EXOC4: variants seen among roughly 807,000 people sequenced by gnomAD.
EXOC4 encodes SEC8-like 1.
EXOC4 carries 71 observed loss-of-function variants against 107.2 expected under a neutral mutation model. That is an observed-to-expected ratio of 0.66 (90% CI 0.55 to 0.81). The LOEUF (loss-of-function observed/expected upper bound fraction) is 0.81, where lower values mean the gene tolerates loss of function less well. Ranked by LOEUF, EXOC4 falls within the 30% of genes least tolerant of loss-of-function variation. The probability of loss-of-function intolerance (pLI) is 0.00; values close to 1 mark genes in which losing one functional copy is unlikely to be tolerated. For missense variants in EXOC4, 1,108 were observed against 1,189.6 expected (o/e 0.93, Z 1.01); for synonymous variants, 456 against 441.2 (o/e 1.03, Z -0.42).
At chr7:133,363,777 G>C (rs561607094) in intron 6 of EXOC4, among the ~76,000 whole-genome samples, 1 of 152,152 alleles carries the variant, frequency 6.6e-6, no homozygotes, top group African/African-American at 2.4e-5. Context: ...CCACTTCTCT[G>C]TTTGCTAGAG....
intron 7 of EXOC4, among the ~76,000 whole-genome samples, chr7:133,429,534 A>G (rs1366490200): frequency 6.6e-6 from 1 of 152,202 alleles, no homozygotes; most frequent in Non-Finnish European, 1.5e-5. Context: ...ACCACTGTCT[A>G]ATTCCAGAAC....
At chr7:133,546,840 CATG>C (rs1403928159) in intron 9 of EXOC4, among the ~76,000 whole-genome samples, 1 of 152,104 alleles carries the variant, frequency 6.6e-6, no homozygotes, top group African/African-American at 2.4e-5. Context: ...TCTAGACTGT[CATG>C]ATATTTTTAA....
chr7:134,063,265 A>G (rs1796109832), intron 17 of EXOC4, among the ~76,000 whole-genome samples: 1 of 152,192 alleles, frequency 6.6e-6, no homozygotes, highest in African/African-American at 2.4e-5. Flanking sequence ...CCTGCCTGAC[A>G]GAATCTTACC....
At chr7:133,612,325 C>T (rs544084052) in intron 9 of EXOC4, among the ~76,000 whole-genome samples, 2 of 152,264 alleles carry the variant, frequency 1.3e-5, no homozygotes, top group East Asian at 3.9e-4. Flanking sequence ...TATACATTTT[C>T]TGCTGACTAG....
At chr7:133,962,325 T>C (rs1311036867) in intron 14 of EXOC4, among the ~76,000 whole-genome samples, 4 of 152,240 alleles carry the variant, frequency 2.6e-5, no homozygotes, top group Non-Finnish European at 5.9e-5. Flanking sequence ...TTTAATTTCC[T>C]GAGAAGCTTT....
chr7:133,641,968 T>C (rs549322973), intron 10 of EXOC4, among the ~76,000 whole-genome samples: 1 of 152,306 alleles, frequency 6.6e-6, no homozygotes, highest in African/African-American at 2.4e-5. Context: ...GAAACCAACA[T>C]CCTTCTCTGA....
chr7:133,481,296 A>C (rs1477411593), intron 9 of EXOC4, among the ~76,000 whole-genome samples: 1 of 152,192 alleles, frequency 6.6e-6, no homozygotes, highest in Non-Finnish European at 1.5e-5. Context: ...GGTGGTATGG[A>C]TAAATTGCTA....
chr7:134,043,518 T>G (rs1420641434), intron 17 of EXOC4, among the ~76,000 whole-genome samples: 1 of 152,184 alleles, frequency 6.6e-6, no homozygotes, highest in Non-Finnish European at 1.5e-5. Context: ...TTAGAAATGT[T>G]TGTCAGTAAA....
chr7:133,997,595 G>A lies in EXOC4; in HGVS notation c.2310G>A (p.Met770Ile). The change falls in exon 15 of 18, where the codon ATG becomes ATA. Residue 770 changes from methionine to isoleucine, a missense_variant. Physicochemically the swap from Met to Ile is conservative, Grantham distance 10. Coordinates refer to ENST00000253861, the MANE Select transcript of EXOC4 (RefSeq NM_021807.4). ...LSELAKSFQD[M>I]ADRCLLVLHL... The stretch of plus-strand genomic sequence containing the variant: ...AACTTGCCAAATCGTTCCAGGATAT[G>A]GCTGACCGCTGCTTGCTTGTCTTAC... 1 of 1,613,590 alleles carries A rather than the reference G, an allele frequency of 6.2e-7. No homozygotes were observed. The highest frequency in any genetic ancestry group is 1.7e-5 in the Admixed American group (1 of 59,902).
At chr7:133,278,290 C>G (rs1253710841) in intron 2 of EXOC4, among the ~76,000 whole-genome samples, 2 of 152,192 alleles carry the variant, frequency 1.3e-5, no homozygotes, top group Non-Finnish European at 2.9e-5. Context: ...GTGAAGAAAA[C>G]ATAAACATTT....
At chr7:133,602,268 A>G (rs1801826190) in intron 9 of EXOC4, among the ~76,000 whole-genome samples, 5 of 152,216 alleles carry the variant, frequency 3.3e-5, no homozygotes, top group Non-Finnish European at 7.3e-5. Flanking sequence ...ATCTGCAGGT[A>G]GTTCTTGTAC....
At chr7:133,535,022 G>A (rs1800247225) in intron 9 of EXOC4, among the ~76,000 whole-genome samples, 1 of 152,186 alleles carries the variant, frequency 6.6e-6, no homozygotes. Flanking sequence ...ATTACTTGGA[G>A]ACGAGATGGG....
chr7:134,017,608 C>T (rs1276175386), intron 17 of EXOC4, among the ~76,000 whole-genome samples: 1 of 151,896 alleles, frequency 6.6e-6, no homozygotes, highest in Non-Finnish European at 1.5e-5. Flanking sequence ...TTTACATTTA[C>T]ATTAGGTCCC....
At chr7:133,656,184 G>T (rs141236394) in intron 10 of EXOC4, among the ~76,000 whole-genome samples, 4 of 152,248 alleles carry the variant, frequency 2.6e-5, no homozygotes, top group Non-Finnish European at 5.9e-5. Context: ...GAAGGACTTG[G>T]AGAAAGATCA....
At chr7:133,484,930 A>C (rs1056478321) in intron 9 of EXOC4, among the ~76,000 whole-genome samples, 17 of 151,642 alleles carry the variant, frequency 1.1e-4, no homozygotes, top group Non-Finnish European at 2.4e-4. Context: ...AAATACAAAA[A>C]TTAGCCTGGC....
At chr7:133,471,660 A>G (rs942386268) in intron 7 of EXOC4, among the ~76,000 whole-genome samples, 4 of 152,134 alleles carry the variant, frequency 2.6e-5, no homozygotes, top group Non-Finnish European at 5.9e-5. Context: ...TTCTACTTTG[A>G]AGACTTTTTA....
intron 7 of EXOC4, among the ~76,000 whole-genome samples, chr7:133,473,862 G>A (rs559541166): frequency 7.4e-5 from 11 of 148,562 alleles, no homozygotes; most frequent in African/African-American, 2.1e-4. Context: ...CACCATGCCC[G>A]GCTAATTTTT....
chr7:133,685,750 A>T (rs968174064), intron 10 of EXOC4, among the ~76,000 whole-genome samples: 4 of 152,288 alleles, frequency 2.6e-5, no homozygotes, highest in African/African-American at 9.6e-5. Context: ...AATTTCTATA[A>T]ATTTAAGGTG....
intron 10 of EXOC4, among the ~76,000 whole-genome samples, chr7:133,807,077 T>C (rs962794435): frequency 2.0e-5 from 3 of 152,122 alleles, no homozygotes; most frequent in Admixed American, 6.5e-5. Flanking sequence ...TCGGAAGATA[T>C]GGTGGGCCGA....
Sources: allele counts gnomAD v4.1 joint callset (sites outside exome capture counted in the v4.1 genomes callset), GRCh38; gene constraint gnomAD v4.1.1; transcripts MANE v1.5; gene names NCBI Gene and HGNC (gene_info 2026-07-23, HGNC 2026-07-21).